Variants in ARK2N observed in about 807,000 individuals in gnomAD.
The protein encoded by ARK2N is protein ARK2N.
the ARK2N span, among the ~76,000 whole-genome samples, chr18:46,261,726 A>G: frequency 8.5e-5 from 13 of 152,134 alleles, no homozygotes; most frequent in Non-Finnish European, 1.9e-4. Flanking sequence ...TACTGTAGCA[A>G]ATTTGCGTTC....
chr18:46,206,907 G>C, the ARK2N span, among the ~76,000 whole-genome samples: 1 of 152,048 alleles, frequency 6.6e-6, no homozygotes, highest in African/African-American at 2.4e-5. Flanking sequence ...CTCCCAAGTA[G>C]CTGGGCTGCA....
the ARK2N span, chr18:46,232,555 G>A: frequency 1.3e-5 from 2 of 152,076 alleles, no homozygotes; most frequent in African/African-American, 2.4e-5. Flanking sequence ...TAGAAGTTAC[G>A]AGATTGTGAA....
At chr18:46,201,794 T>TC in the ARK2N span, among the ~76,000 whole-genome samples, 10 of 151,398 alleles carry the variant, frequency 6.6e-5, no homozygotes, top group East Asian at 1.9e-3. Context: ...TTTTTTTTTT[T>TC]TAAGACCGAG....
chr18:46,211,587 A>G, the ARK2N span, among the ~76,000 whole-genome samples: 1 of 152,202 alleles, frequency 6.6e-6, no homozygotes, highest in Non-Finnish European at 1.5e-5. Context: ...TGATAGGTCA[A>G]AGGAGGATTT....
At chr18:46,222,435 A>G in the ARK2N span, among the ~76,000 whole-genome samples, 7 of 152,304 alleles carry the variant, frequency 4.6e-5, no homozygotes, top group East Asian at 5.8e-4. Context: ...AAAGCATGCA[A>G]TGTCTAAATG....
At chr18:46,249,238 T>C in the ARK2N span, among the ~76,000 whole-genome samples, 20 of 152,152 alleles carry the variant, frequency 1.3e-4, no homozygotes, top group African/African-American at 4.1e-4. Context: ...TCTTTTTTTT[T>C]ACTTTTTTTG....
the ARK2N span, among the ~76,000 whole-genome samples, chr18:46,199,345 C>G: frequency 2.6e-5 from 4 of 151,832 alleles, no homozygotes; most frequent in South Asian, 8.4e-4. Context: ...GATGGAATCT[C>G]TCGCTGTTGC....
chr18:46,263,038 C>T, the ARK2N span: 1 of 1,614,098 alleles, frequency 6.2e-7, no homozygotes, highest in South Asian at 1.1e-5. Context: ...TGCTGTGACT[C>T]CCCAGCAGAC....
At chr18:46,253,542 C>T in the ARK2N span, among the ~76,000 whole-genome samples, 1 of 152,086 alleles carries the variant, frequency 6.6e-6, no homozygotes, top group Non-Finnish European at 1.5e-5. Context: ...GAACACTGCC[C>T]CAGCTTATTT....
At chr18:46,259,425 G>A in the ARK2N span, among the ~76,000 whole-genome samples, 4 of 151,714 alleles carry the variant, frequency 2.6e-5, no homozygotes, top group Admixed American at 2.6e-4. Context: ...TGTATTTTTA[G>A]TAGAGACGGG....
At chr18:46,208,539 G>T in the ARK2N span, among the ~76,000 whole-genome samples, 240 of 145,898 alleles carry the variant, frequency 1.6e-3, 1 homozygote, top group African/African-American at 6.0e-3. Context: ...GCGTGATCTC[G>T]GCTCACTGCA....
the ARK2N span, among the ~76,000 whole-genome samples, chr18:46,193,905 C>T: frequency 6.6e-6 from 1 of 152,026 alleles, no homozygotes; most frequent in East Asian, 1.9e-4. Flanking sequence ...GTCCCCTAAC[C>T]TTATATTGTA....
chr18:46,182,078 C>T, the ARK2N span, among the ~76,000 whole-genome samples: 1 of 152,012 alleles, frequency 6.6e-6, no homozygotes, highest in African/African-American at 2.4e-5. Context: ...AAGGTATTGT[C>T]GGGGATAGGG....
chr18:46,239,890 T>TGCACTCATCAGAAAAGC, the ARK2N span: 1 of 958,138 alleles, frequency 1.0e-6, no homozygotes, highest in East Asian at 2.4e-5. Context: ...AAAGTGCAGC[T>TGCACTCATCAGAAAAGC]TTTCTGATGA....
At chr18:46,217,088 T>TC in the ARK2N span, 1 of 153,106 alleles carries the variant, frequency 6.5e-6, no homozygotes, top group Non-Finnish European at 1.5e-5. Context: ...TTTATGTGTT[T>TC]CCCCCATATT....
At chr18:46,259,813 T>TGTGTG in the ARK2N span, among the ~76,000 whole-genome samples, 222 of 145,342 alleles carry the variant, frequency 1.5e-3, 3 homozygotes, top group South Asian at 3.0e-3. Context: ...TGTGTGTGTG[T>TGTGTG]TTGACAGAGA....
chr18:46,214,145 T>C, the ARK2N span, among the ~76,000 whole-genome samples: 2 of 152,208 alleles, frequency 1.3e-5, no homozygotes, highest in Non-Finnish European at 2.9e-5. Context: ...ATATTTATGT[T>C]TGTATTAAGC....
the ARK2N span, among the ~76,000 whole-genome samples, chr18:46,234,216 G>T: frequency 6.6e-6 from 1 of 151,962 alleles, no homozygotes; most frequent in Non-Finnish European, 1.5e-5. Context: ...TTTCTTTTTT[G>T]AGATGGAGTC....
chr18:46,184,723 T>TAACAACAAC, the ARK2N span, among the ~76,000 whole-genome samples: 2 of 151,876 alleles, frequency 1.3e-5, no homozygotes, highest in African/African-American at 4.8e-5. Context: ...ACCCTGTCTC[T>TAACAACAAC]AACAACAACA....
Sources: allele counts gnomAD v4.1 joint callset (sites outside exome capture counted in the v4.1 genomes callset), GRCh38; gene constraint gnomAD v4.1.1; transcripts MANE v1.5; gene names NCBI Gene and HGNC (gene_info 2026-07-23, HGNC 2026-07-21).